DNPEP: variants seen among roughly 807,000 people sequenced by gnomAD.
DNPEP encodes the protein aspartyl aminopeptidase.
Under a neutral mutation model 59.1 loss-of-function variants are expected in DNPEP, and 46 were observed. The observed-to-expected ratio is 0.78, with a 90% confidence interval of 0.61 to 0.99. The LOEUF (loss-of-function observed/expected upper bound fraction) is 0.99, where lower values mean the gene tolerates loss of function less well. Ranked by LOEUF, DNPEP falls within the 50% of genes least tolerant of loss-of-function variation. The pLI is 0.00. For missense variants in DNPEP, 617 were observed against 649.9 expected, an observed-to-expected ratio of 0.95 and a Z score of 0.55; for synonymous variants, 229 against 242.2, an observed-to-expected ratio of 0.95 and a Z score of 0.50.
rs935712572 is a variant in DNPEP, at chr2:219,387,408, G to C, written c.37-245C>G. ...TCCGAACTTTAGCCCGACTCCCTAA[G>C]TCCCGCCCCCATGTCCCTGCCCAGC... On this transcript the variant is annotated intron_variant, in intron 1 of 14. Transcript: ENST00000273075. 3 of 1,437,668 alleles carry C rather than the reference G, an allele frequency of 2.1e-6. No homozygotes were observed. The African/African-American group carries it at 4.3e-5, about 21-fold the overall frequency. 89.1% of individuals were successfully genotyped at this position (1,437,668 alleles called of 1,614,324 possible). A position where few individuals can be genotyped will look rare whatever the true frequency, so the allele number is the denominator to read the frequency against.
intron 6 of DNPEP, 109 bp downstream of exon 6, chr2:219,385,859 T>C (rs1229644353): frequency 1.3e-6 from 2 of 1,507,078 alleles, no homozygotes; most frequent in East Asian, 4.7e-5. Context: ...CCCTTAGAAA[T>C]TAACTGGGTC....
In DNPEP at chr2:219,372,923, A is replaced by G. The variant is rs1953236457; in HGVS notation, c.*1369T>C. Among the ~76,000 whole-genome samples the G allele has an allele frequency of 1.3e-5, 2 of 152,184 alleles. No homozygotes were observed. Among genetic ancestry groups the G allele is most frequent in the Non-Finnish European group, 2.9e-5 (2 of 68,038 alleles). On this transcript the variant is annotated 3_prime_UTR_variant, in exon 15 of 15. Transcript: ENST00000273075. Reference sequence around the variant, plus strand: ...TGATATAGAAATATCTCTATATTATATTAAGTTTTTTAGAAAGCTGAAGTG... The same window carrying G: ...TGATATAGAAATATCTCTATATTATGTTAAGTTTTTTAGAAAGCTGAAGTG...
Position 219,372,373 on chromosome 2 carries a change from ATTTT to A in DNPEP, c.*1915_*1918del, listed in dbSNP as rs1048994911. Among the ~76,000 whole-genome samples, 1 of 150,254 alleles carries A rather than the reference ATTTT, an allele frequency of 6.7e-6. No homozygotes were observed. Among genetic ancestry groups the A allele is most frequent in the African/African-American group, 2.4e-5 (1 of 40,928 alleles). ...TATATACACATAAAAATATATAATA[ATTTT>A]TTTTTTGAGACGGAGTCTGGCTCTG... On this transcript the variant is annotated 3_prime_UTR_variant, in exon 15 of 15. Transcript: ENST00000273075.
chr2:219,387,052 G>C lies in DNPEP; in HGVS notation c.130+18C>G. On this transcript the variant is annotated intron_variant, in intron 2 of 14. Coordinates refer to ENST00000273075, the MANE Select transcript of DNPEP (RefSeq NM_012100.4). ...GCATCAGCCTCCACCCTCCTCCCTTGCCCTGGCCACCGCTTACCATGGAAA... is the reference window on the plus strand; with the variant it reads ...GCATCAGCCTCCACCCTCCTCCCTTCCCCTGGCCACCGCTTACCATGGAAA... The C allele has an allele frequency of 1.9e-6, 3 of 1,610,470 alleles. No individual in the cohort carries two copies. The highest frequency in any genetic ancestry group is 2.5e-6 in the Non-Finnish European group (3 of 1,178,112).
intron 1 of DNPEP, among the ~76,000 whole-genome samples, chr2:219,397,292 A>G (rs893962299): frequency 1.3e-5 from 2 of 149,322 alleles, no homozygotes; most frequent in Non-Finnish European, 3.0e-5. Flanking sequence ...AAGTATTTAC[A>G]CCACTGAGAC....
At position 219,372,131 on chromosome 2, in the gene DNPEP, A is replaced by G. The variant is rs539192444; in HGVS notation, c.*2161T>C. Among the ~76,000 whole-genome samples the G allele has an allele frequency of 6.6e-6, 1 of 152,340 alleles. No individual in the cohort carries two copies. The highest frequency in any genetic ancestry group is 1.5e-5 in the Non-Finnish European group (1 of 68,032). On this transcript the variant is annotated 3_prime_UTR_variant, in exon 15 of 15. Transcript: ENST00000273075. ...CAGACTGAATAAATAATGACCATCT[A>G]TACAATAAAATACTGTACGCCAATT...
chr2:219,388,462 C>G (rs1470613203), upstream of DNPEP: 1 of 154,720 alleles, frequency 6.5e-6, no homozygotes, highest in Non-Finnish European at 1.4e-5. Context: ...CTGCACCGCC[C>G]GCCCCGCTTC....
In DNPEP at chr2:219,383,221, C is replaced by A; in HGVS notation, c.853-7G>T. Reference sequence around the variant, plus strand: ...CACAGGAATCTATCAAGGCCTGGTTCAGGGAAGGAAATGAGAGCATCATCT... The same window carrying A: ...CACAGGAATCTATCAAGGCCTGGTTAAGGGAAGGAAATGAGAGCATCATCT... On this transcript the variant is annotated splice_region_variant and splice_polypyrimidine_tract_variant and intron_variant, in intron 9 of 14. Coordinates refer to ENST00000273075, the MANE Select transcript of DNPEP (RefSeq NM_012100.4). The A allele has an allele frequency of 6.2e-7, 1 of 1,613,954 alleles. No homozygotes were observed. The highest frequency in any genetic ancestry group is 1.3e-5 in the African/African-American group (1 of 75,056).
At chr2:219,390,871 CT>C (rs1175415110), upstream of DNPEP, among the ~76,000 whole-genome samples, 1 of 151,966 alleles carries the variant, frequency 6.6e-6, no homozygotes, top group Non-Finnish European at 1.5e-5. Context: ...GATACTTTTT[CT>C]TTTTATTGAG....
intron 11 of DNPEP, 92 bp from the exon 12 acceptor site, chr2:219,381,676 A>T: frequency 7.2e-7 from 1 of 1,395,486 alleles, no homozygotes; most frequent in Non-Finnish European, 1.0e-6. Context: ...CTAATAGATC[A>T]CCACTCTTTC....
chr2:219,383,869 G>C (rs557485940), intron 9 of DNPEP, among the ~76,000 whole-genome samples: 3 of 152,222 alleles, frequency 2.0e-5, no homozygotes, highest in Non-Finnish European at 2.9e-5. Flanking sequence ...AGGGCAAGAG[G>C]AGAGAAAGAA....
At chr2:219,379,719 G>A (rs938537485) in intron 13 of DNPEP, among the ~76,000 whole-genome samples, 7 of 151,868 alleles carry the variant, frequency 4.6e-5, no homozygotes, top group African/African-American at 1.7e-4. Context: ...TCAGGAGTTC[G>A]AGACCAGCCT....
Position 219,384,358 on chromosome 2 carries a change from C to G in DNPEP, c.852+8G>C. 1.4e-5 allele frequency: 22 copies of G among 1,606,246 alleles called. No homozygotes were observed. The highest frequency in any genetic ancestry group is 1.8e-5 in the Non-Finnish European group (21 of 1,176,504). ...TTATGTGCTGCCTGGGGCGCCCCGG[C>G]TCCTCACCTGCAGGGCACAGAAGCA... On this transcript the variant is annotated splice_region_variant and intron_variant, in intron 9 of 14. Transcript: ENST00000273075.
At chr2:219,381,697 C>A in intron 11 of DNPEP, 113 bp from the exon 12 acceptor site, 1 of 1,242,712 alleles carries the variant, frequency 8.0e-7, no homozygotes, top group South Asian at 1.2e-5. Context: ...CCGCCCAGCC[C>A]AGTGGGACTT....
chr2:219,383,394 G>A (rs1476243971), intron 9 of DNPEP, among the ~76,000 whole-genome samples, 180 bp from the exon 10 acceptor site: 4 of 152,110 alleles, frequency 2.6e-5, no homozygotes, highest in Non-Finnish European at 5.9e-5. Context: ...CAGAGGGTGT[G>A]GTGGGGACCT....
rs531593029 is a variant in DNPEP at position 219,372,324 on chromosome 2, C to A, written c.*1968G>T. ...TGCATTTTTCCAGGCTTTTTCTATACATGTATACATCTACGTGCATATTTA... is the reference window on the plus strand; with the variant it reads ...TGCATTTTTCCAGGCTTTTTCTATAAATGTATACATCTACGTGCATATTTA... On this transcript the variant is annotated 3_prime_UTR_variant, in exon 15 of 15. Coordinates refer to ENST00000273075, the MANE Select transcript of DNPEP (RefSeq NM_012100.4). 6.6e-6 allele frequency among the ~76,000 whole-genome samples: 1 copy of A among 152,132 alleles called. No homozygotes were observed. Among genetic ancestry groups the A allele is most frequent in the Non-Finnish European group, 1.5e-5 (1 of 68,040 alleles).
intron 9 of DNPEP, among the ~76,000 whole-genome samples, 168 bp from the exon 10 acceptor site, chr2:219,383,382 G>T (rs1257255763): frequency 1.3e-5 from 2 of 152,226 alleles, no homozygotes; most frequent in Non-Finnish European, 2.9e-5. Flanking sequence ...GGCACTGCCT[G>T]GCAGAGGGTG....
In DNPEP at chr2:219,385,125, T is replaced by C; in HGVS notation, c.774+299A>G. 3 of 326,246 alleles carry C rather than the reference T, an allele frequency of 9.2e-6. No homozygotes were observed. In the South Asian group the frequency reaches 2.1e-4, roughly 23 times the overall value. 20.2% of individuals were successfully genotyped at this position (326,246 alleles called of 1,614,324 possible). ...ATGGCCACATCCAGGCCTCTTTCCCTAAGCAGTTCAGTGTCAGTGTGGGTC... is the reference window on the plus strand; with the variant it reads ...ATGGCCACATCCAGGCCTCTTTCCCCAAGCAGTTCAGTGTCAGTGTGGGTC... On this transcript the variant is annotated intron_variant, in intron 8 of 14. Coordinates refer to ENST00000273075, the MANE Select transcript of DNPEP (RefSeq NM_012100.4).
upstream of DNPEP, among the ~76,000 whole-genome samples, chr2:219,390,948 C>G (rs1407620944): frequency 6.6e-6 from 1 of 152,122 alleles, no homozygotes; most frequent in African/African-American, 2.4e-5. Context: ...GTAATGCAAG[C>G]ATTTTCTGGA....
Sources: gnomAD v4.1 joint callset for allele counts (sites outside exome capture counted in the v4.1 genomes callset) on GRCh38, gnomAD v4.1.1 for gene constraint, MANE v1.5 for transcripts, NCBI Gene and HGNC (gene_info 2026-07-23, HGNC 2026-07-21) for gene names.